Variants in RALYL observed in about 807,000 individuals in gnomAD.
The protein encoded by RALYL is RALY RNA binding protein like.
A neutral mutation model predicts 35.1 loss-of-function variants in RALYL; 29 were observed. The ratio of observed to expected loss-of-function variants is 0.83; its 90% CI spans 0.61 to 1.13. The LOEUF is 1.13. Among genes scored for constraint, RALYL ranks in the 50% most tolerant of loss-of-function variants. RALYL has a pLI of 0.00. For synonymous variants in RALYL, 120 were observed against 127.6 expected (o/e 0.94, Z 0.40); for missense variants, 359 against 360.4 (o/e 1.00, Z 0.03).
chr8:84,363,787 C>G (rs1471775421), intron 1 of RALYL, among the ~76,000 whole-genome samples: 1 of 152,070 alleles, frequency 6.6e-6, no homozygotes, highest in Admixed American at 6.6e-5. Flanking sequence ...CTCCCTGAAC[C>G]CTGCAATTTT....
intron 1 of RALYL, among the ~76,000 whole-genome samples, chr8:84,328,913 C>T (rs1039920786): frequency 2.6e-5 from 4 of 152,154 alleles, no homozygotes; most frequent in Non-Finnish European, 5.9e-5. Context: ...CTAGCTGCAT[C>T]TATGTTGCTG....
At chr8:84,536,454 C>A (rs987659819) in intron 2 of RALYL, among the ~76,000 whole-genome samples, 2 of 152,200 alleles carry the variant, frequency 1.3e-5, no homozygotes, top group Admixed American at 1.3e-4. Context: ...AAGTATTATT[C>A]TTCTGCATAT....
chr8:84,571,263 AT>A (rs879713710), intron 2 of RALYL, among the ~76,000 whole-genome samples: 3 of 151,488 alleles, frequency 2.0e-5, no homozygotes, highest in Admixed American at 6.6e-5. Context: ...TTGTTGGAAG[AT>A]TTTTTTTATT....
chr8:84,259,996 G>A (rs888733127), intron 1 of RALYL, among the ~76,000 whole-genome samples: 1 of 152,124 alleles, frequency 6.6e-6, no homozygotes, highest in Non-Finnish European at 1.5e-5. Context: ...AGTCATTCTG[G>A]CTTGCATTAA....
chr8:84,440,076 A>T (rs573364279), intron 1 of RALYL, among the ~76,000 whole-genome samples: 1 of 152,280 alleles, frequency 6.6e-6, no homozygotes, highest in Admixed American at 6.5e-5. Context: ...ATTATGATTA[A>T]GGCAGAATGT....
chr8:84,364,871 T>C (rs1439040865), intron 1 of RALYL, among the ~76,000 whole-genome samples: 1 of 152,142 alleles, frequency 6.6e-6, no homozygotes, highest in Non-Finnish European at 1.5e-5. Context: ...GAAAGGAATA[T>C]ATGATTTAGA....
intron 1 of RALYL, among the ~76,000 whole-genome samples, chr8:84,276,991 T>A (rs1027839760): frequency 2.6e-5 from 4 of 152,132 alleles, no homozygotes; most frequent in African/African-American, 9.7e-5. Context: ...TGATGTAAGG[T>A]GAAGAAAGCA....
intron 4 of RALYL, among the ~76,000 whole-genome samples, chr8:84,848,437 G>A (rs369839797): frequency 1.9e-4 from 28 of 148,504 alleles, no homozygotes; most frequent in African/African-American, 5.2e-4. Flanking sequence ...GTGTGTGTGT[G>A]TATATATATA....
chr8:84,674,089 C>T (rs751534651), intron 2 of RALYL, among the ~76,000 whole-genome samples: 57 of 152,028 alleles, frequency 3.7e-4, no homozygotes, highest in Non-Finnish European at 6.8e-4. Flanking sequence ...AGATCTTTCA[C>T]TTTCCTAATT....
At chr8:84,533,488 T>A (rs1190512702) in intron 2 of RALYL, among the ~76,000 whole-genome samples, 1 of 152,212 alleles carries the variant, frequency 6.6e-6, no homozygotes, top group Non-Finnish European at 1.5e-5. Flanking sequence ...ATTTGCAATG[T>A]CTTTCTTTAT....
chr8:84,217,964 T>TA (rs1233255876), intron 1 of RALYL, among the ~76,000 whole-genome samples: 1 of 152,132 alleles, frequency 6.6e-6, no homozygotes, highest in Admixed American at 6.6e-5. Context: ...CTCACATACT[T>TA]ACATTTTTGT....
chr8:84,499,983 C>G (rs2056488241), intron 1 of RALYL, among the ~76,000 whole-genome samples: 1 of 152,068 alleles, frequency 6.6e-6, no homozygotes, highest in African/African-American at 2.4e-5. Context: ...TCTTAAACTC[C>G]TGGGCTCAAG....
intron 2 of RALYL, among the ~76,000 whole-genome samples, chr8:84,624,782 C>G (rs1010181163): frequency 1.3e-5 from 2 of 152,150 alleles, no homozygotes; most frequent in African/African-American, 2.4e-5. Flanking sequence ...CTTACCCTAT[C>G]GAATTGTGAA....
intron 2 of RALYL, among the ~76,000 whole-genome samples, chr8:84,649,454 TG>T (rs1415145377): frequency 1.3e-5 from 2 of 151,928 alleles, no homozygotes; most frequent in Admixed American, 6.6e-5. Context: ...AATTAATTTT[TG>T]TATAAGGTGT....
At chr8:84,531,427 C>T (rs1324591626) in intron 2 of RALYL, among the ~76,000 whole-genome samples, 2 of 152,034 alleles carry the variant, frequency 1.3e-5, no homozygotes, top group Non-Finnish European at 2.9e-5. Flanking sequence ...ACATTGGTCC[C>T]ATCGAACTTT....
intron 2 of RALYL, among the ~76,000 whole-genome samples, chr8:84,535,725 C>T (rs1276035676): frequency 2.0e-5 from 3 of 151,670 alleles, no homozygotes; most frequent in Non-Finnish European, 2.9e-5. Flanking sequence ...CCGCCCACCT[C>T]GGCCTCCCAA....
chr8:84,244,991 T>C (rs1045563245), intron 1 of RALYL, among the ~76,000 whole-genome samples: 2 of 152,180 alleles, frequency 1.3e-5, no homozygotes, highest in African/African-American at 4.8e-5. Context: ...GCAATTACCC[T>C]TGTTCTTAAG....
intron 2 of RALYL, among the ~76,000 whole-genome samples, chr8:84,690,152 A>C (rs181329029): frequency 2.2e-3 from 331 of 152,292 alleles, no homozygotes; most frequent in African/African-American, 7.5e-3. Context: ...ATGAATGGAT[A>C]AAGAAAATGT....
chr8:84,819,050 G>A (rs1197144325), intron 4 of RALYL, among the ~76,000 whole-genome samples: 1 of 152,110 alleles, frequency 6.6e-6, no homozygotes, highest in Non-Finnish European at 1.5e-5. Flanking sequence ...TTTTGATGAT[G>A]TGGTTTCAAT....
Sources: allele counts gnomAD v4.1 joint callset (sites outside exome capture counted in the v4.1 genomes callset), GRCh38; gene constraint gnomAD v4.1.1; transcripts MANE v1.5; gene names NCBI Gene and HGNC (gene_info 2026-07-23, HGNC 2026-07-21).